M1AP: variants seen among roughly 807,000 people sequenced by gnomAD.
M1AP encodes meiosis 1 associated protein, also known as meiosis 1 arrest protein.
A neutral mutation model predicts 51.2 loss-of-function variants in M1AP; 39 were observed. That is an observed-to-expected ratio of 0.76 (90% CI 0.59 to 1.00). The LOEUF (loss-of-function observed/expected upper bound fraction) is 1.00, where lower values mean the gene tolerates loss of function less well. Among genes scored for constraint, M1AP ranks in the 50% least tolerant of loss-of-function variants. The pLI is 0.00. For synonymous variants in M1AP, 251 were observed against 249.2 expected, an observed-to-expected ratio of 1.01 and a Z score of -0.07; for missense variants, 545 against 641.2, an observed-to-expected ratio of 0.85 and a Z score of 1.62.
chr2:74,586,436 A>C (rs1014092600), intron 4 of M1AP, among the ~76,000 whole-genome samples: 1 of 152,116 alleles, frequency 6.6e-6, no homozygotes, highest in Non-Finnish European at 1.5e-5. Context: ...TCCTTGCCAC[A>C]TGACTTCCTT....
intron 5 of M1AP, among the ~76,000 whole-genome samples, chr2:74,581,293 A>G (rs1397611147): frequency 6.6e-6 from 1 of 152,178 alleles, no homozygotes; most frequent in Admixed American, 6.6e-5. Flanking sequence ...CACAGGCTGT[A>G]TTGATATTGT....
Position 74,569,876 on chromosome 2 carries a change from T to TTG in M1AP, c.1074+5560_1074+5561dup, listed in dbSNP as rs373202091. Among the ~76,000 whole-genome samples the TTG allele has an allele frequency of 1.6e-3, 246 of 149,410 alleles. 6 individuals are homozygous for TTG. The highest frequency in any genetic ancestry group is 0.014 in the Admixed American group (216 of 14,960). ...CAGGGACTGAGGAGGTAGAGATAAT[T>TTG]TGTGTGTGTGTGTGTATGTGTGTGT... is the stretch of plus-strand genomic sequence containing the variant. On this transcript the variant is annotated intron_variant, in intron 7 of 10. Coordinates refer to ENST00000421985, the MANE Select transcript of M1AP (RefSeq NM_001321739.2).
Position 74,640,123 on chromosome 2 carries a change from TAG to T in M1AP, c.151_152del (p.Leu51SerfsTer23). On this transcript the variant is annotated frameshift_variant, in exon 2 of 11. Transcript: ENST00000421985. LOFTEE classifies it high-confidence loss of function. ...GGCTGGGGCCCATCAAGCTGCAGGC[TAG>T]AGAGAAGAAGTTCTGCAGAGCCTCA... is the stretch of plus-strand genomic sequence containing the variant. Reference protein sequence around the residue: ...LCEALQNFFSLACSLMGPSRM... With the variant: ...LCEALQNFFSXACSLMGPSRM... 6.2e-7 allele frequency: 1 copy of T among 1,614,152 alleles called. No individual in the cohort carries two copies. The highest frequency in any genetic ancestry group is 1.1e-5 in the South Asian group (1 of 91,080).
intron 3 of M1AP, 116 bp from the exon 4 acceptor site, chr2:74,607,339 GT>G: frequency 1.0e-6 from 1 of 1,004,708 alleles, no homozygotes; most frequent in Non-Finnish European, 1.5e-6. Context: ...TGGCTATTAT[GT>G]TTAGTGCAAA....
chr2:74,569,895 T>TGTGTGTGTGCATGC (rs1312964848), intron 7 of M1AP, among the ~76,000 whole-genome samples: 1 of 148,678 alleles, frequency 6.7e-6, no homozygotes, highest in African/African-American at 2.6e-5. Flanking sequence ...TGTGTGTATG[T>TGTGTGTGTGCATGC]GTGTGTGTGC....
intron 4 of M1AP, among the ~76,000 whole-genome samples, chr2:74,586,723 G>A (rs534484394): frequency 5.3e-5 from 8 of 152,220 alleles, no homozygotes; most frequent in East Asian, 3.9e-4. Flanking sequence ...GTTAGCAGCC[G>A]GGCACGGTGG....
At position 74,648,265 on chromosome 2, in the gene M1AP, C is replaced by T; in HGVS notation, c.-53G>A. On this transcript the variant is annotated splice_region_variant and 5_prime_UTR_variant, in exon 1 of 11. Coordinates refer to ENST00000421985, the MANE Select transcript of M1AP (RefSeq NM_001321739.2). ...CTCCCCGAGGCGTGGAGAACCGTAC[C>T]TGTCTTCGGAAGACGGAGGCCCCCT... The T allele has an allele frequency of 1.0e-6, 1 of 985,194 alleles. No individual in the cohort carries two copies. Among genetic ancestry groups the T allele is most frequent in the Non-Finnish European group, 1.2e-6 (1 of 829,676 alleles). 61.0% of individuals were successfully genotyped at this position (985,194 alleles called of 1,614,324 possible). A position where few individuals can be genotyped will look rare whatever the true frequency, so the allele number is the denominator to read the frequency against.
chr2:74,573,567 G>A (rs965044578), intron 7 of M1AP, among the ~76,000 whole-genome samples: 3 of 152,022 alleles, frequency 2.0e-5, no homozygotes, highest in Non-Finnish European at 4.4e-5. Context: ...TGGCCAGGCT[G>A]GTCTTGAACT....
rs116127881 is a variant in M1AP, at chr2:74,613,939, C to T, written c.426+1025G>A. On this transcript the variant is annotated intron_variant, in intron 3 of 10. Transcript: ENST00000421985. The stretch of plus-strand genomic sequence containing the variant: ...AAGTAGCTAGGACTATAGGTGCACA[C>T]CACCAAGCCTGGCTAATCTTTATTT... Among the ~76,000 whole-genome samples, 1,068 of 152,274 alleles carry T rather than the reference C, an allele frequency of 7.0e-3. 16 individuals carry two copies. Among genetic ancestry groups the T allele is most frequent in the African/African-American group, 0.024 (1,017 of 41,542 alleles).
chr2:74,559,657 G>A (rs938075954), intron 10 of M1AP, 41 bp downstream of exon 10: 1 of 718,182 alleles, frequency 1.4e-6, no homozygotes, highest in African/African-American at 1.7e-5. Flanking sequence ...ACTAATCTTG[G>A]TCAGCCTCCT....
chr2:74,615,065 C>T lies in M1AP; in HGVS notation c.325G>A (p.Gly109Ser). 2.5e-6 allele frequency: 4 copies of T among 1,614,178 alleles called. No individual in the cohort carries two copies. Among genetic ancestry groups the T allele is most frequent in the Non-Finnish European group, 2.5e-6 (3 of 1,180,022 alleles). ...TCTACTGCCAGCCGCAGAGAAGCAC[C>T]TTGTGATCTGAAACACCCTTCTCTC... Reference protein sequence around the residue: ...LQREGCFRSQGASLRLAVEDG... With the variant: ...LQREGCFRSQSASLRLAVEDG... Residue 109 changes from glycine to serine, a missense_variant, in exon 3 of 11, where the codon GGT becomes AGT. Transcript: ENST00000421985.
At chr2:74,633,175 A>T (rs573491472) in intron 2 of M1AP, among the ~76,000 whole-genome samples, 3 of 152,152 alleles carry the variant, frequency 2.0e-5, no homozygotes, top group South Asian at 4.2e-4. Context: ...AGGGTATTTC[A>T]TCTCCTGATT....
At chr2:74,577,163 G>A (rs1223367880) in intron 5 of M1AP, among the ~76,000 whole-genome samples, 1 of 152,212 alleles carries the variant, frequency 6.6e-6, no homozygotes, top group Non-Finnish European at 1.5e-5. Flanking sequence ...GACATTCAGA[G>A]TGGGGGGAAA....
chr2:74,569,286 A>T (rs1258531865), intron 7 of M1AP, among the ~76,000 whole-genome samples: 1 of 152,014 alleles, frequency 6.6e-6, no homozygotes, highest in Non-Finnish European at 1.5e-5. Flanking sequence ...CATCTTAAAA[A>T]CCACATGAGG....
chr2:74,621,450 T>C (rs923598941), intron 2 of M1AP, among the ~76,000 whole-genome samples: 3 of 152,072 alleles, frequency 2.0e-5, no homozygotes, highest in Non-Finnish European at 2.9e-5. Context: ...TGAAGGTTTG[T>C]TGTCCATGTA....
chr2:74,609,717 T>C (rs1029407498), intron 3 of M1AP, among the ~76,000 whole-genome samples: 1 of 152,312 alleles, frequency 6.6e-6, no homozygotes, highest in South Asian at 2.1e-4. Flanking sequence ...CTCACCAATA[T>C]TTGTTATTTT....
chr2:74,628,502 GA>G (rs748018184), intron 2 of M1AP: 16 of 459,844 alleles, frequency 3.5e-5, no homozygotes, highest in Non-Finnish European at 5.6e-5. Context: ...CTCTGAAGGA[GA>G]ACAAGGCACT....
At chr2:74,581,392 T>C (rs887846528) in intron 5 of M1AP, among the ~76,000 whole-genome samples, 11 of 152,246 alleles carry the variant, frequency 7.2e-5, no homozygotes, top group Admixed American at 7.2e-4. Context: ...CACTGTGTTC[T>C]TATGTAGTCT....
intron 4 of M1AP, among the ~76,000 whole-genome samples, chr2:74,593,474 A>G (rs1680161328): frequency 6.6e-6 from 1 of 152,194 alleles, no homozygotes. Context: ...TCTACCTTCC[A>G]GACTCAAGTG....
Sources: gnomAD v4.1 joint callset for allele counts (sites outside exome capture counted in the v4.1 genomes callset) on GRCh38, gnomAD v4.1.1 for gene constraint, MANE v1.5 for transcripts, NCBI Gene and HGNC (gene_info 2026-07-23, HGNC 2026-07-21) for gene names.